Variants in PAQR3 observed in about 807,000 individuals in gnomAD.
PAQR3 encodes the protein progestin and adipoQ receptor family member 3, also known as Raf kinase trapping to Golgi.
A neutral mutation model predicts 41.7 loss-of-function variants in PAQR3; 39 were observed. The ratio of observed to expected loss-of-function variants is 0.93; its 90% CI spans 0.72 to 1.22. The LOEUF is 1.22. Among genes scored for constraint, PAQR3 ranks in the 50% most tolerant of loss-of-function variants. The pLI, the probability that PAQR3 is intolerant of heterozygous loss-of-function variation, is 0.00. For synonymous variants in PAQR3, 140 were observed against 140.6 expected, an observed-to-expected ratio of 1.00 and a Z score of 0.03; for missense variants, 366 against 385.6, an observed-to-expected ratio of 0.95 and a Z score of 0.42.
At chr4:78,934,553 C>A (rs1278754286) in intron 2 of PAQR3, among the ~76,000 whole-genome samples, 1 of 152,090 alleles carries the variant, frequency 6.6e-6, no homozygotes, top group Non-Finnish European at 1.5e-5. Flanking sequence ...CTTTTAAAGA[C>A]ATTTTTACAG....
chr4:78,908,619 C>G (rs930874456), downstream of PAQR3, among the ~76,000 whole-genome samples: 2 of 152,144 alleles, frequency 1.3e-5, no homozygotes, highest in African/African-American at 4.8e-5. Context: ...AAAAACTAAC[C>G]ATTGGTTTCA....
At chr4:78,897,652 A>AT (rs1733773305) in intron 11 of PAQR3, among the ~76,000 whole-genome samples, 5 of 152,078 alleles carry the variant, frequency 3.3e-5, no homozygotes, top group South Asian at 2.1e-4. Flanking sequence ...TTTTCATAGC[A>AT]TTTTTTATAG....
chr4:78,926,527 A>G lies in PAQR3; in HGVS notation c.696T>C (p.Ile232=). The G allele has an allele frequency of 1.9e-6, 3 of 1,611,234 alleles. No individual in the cohort carries two copies. Among genetic ancestry groups the G allele is most frequent in the South Asian group, 2.2e-5 (2 of 91,024 alleles). The change falls in exon 4 of 6, where the codon ATT becomes ATC. Residue 232 remains isoleucine (I), a synonymous_variant. Transcript: ENST00000512733. ...VWLNGGIGAP[I]VQDFAPRVIV... is the part of the protein sequence containing the mutation. ...TTAACTACACTCAACCTACCTGTAC[A>G]ATAGGAGCACCAATTCCTCCATTGA...
intron 1 of PAQR3, among the ~76,000 whole-genome samples, chr4:78,935,974 C>G (rs762736072): frequency 1.3e-5 from 2 of 152,302 alleles, no homozygotes; most frequent in South Asian, 4.1e-4. Flanking sequence ...AATATGGGTA[C>G]TACGTGCTCT....
chr4:78,929,976 AAAGT>A (rs573617274), intron 3 of PAQR3, among the ~76,000 whole-genome samples, 190 bp downstream of exon 3: 82 of 152,340 alleles, frequency 5.4e-4, no homozygotes, highest in African/African-American at 1.8e-3. Flanking sequence ...GAAAATTAGT[AAAGT>A]AAGTATGGAA....
chr4:78,933,203 C>T (rs1257249266), intron 2 of PAQR3: 1 of 456,274 alleles, frequency 2.2e-6, no homozygotes, highest in South Asian at 1.5e-5. Flanking sequence ...TTCTGTTCAG[C>T]ACTGTTTTAC....
chr4:78,921,961 T>C (rs867296050), intron 5 of PAQR3: 2 of 984,130 alleles, frequency 2.0e-6, no homozygotes, highest in Non-Finnish European at 2.4e-6. Flanking sequence ...TGATTGTTTA[T>C]ATATGTCCTA....
intron 11 of PAQR3, among the ~76,000 whole-genome samples, chr4:78,891,875 C>T (rs1733457753): frequency 6.6e-6 from 1 of 152,094 alleles, no homozygotes; most frequent in African/African-American, 2.4e-5. Context: ...TAGTTTGATA[C>T]AGATTACTGA....
chr4:78,890,164 T>C (rs971072647), intron 11 of PAQR3, among the ~76,000 whole-genome samples: 2 of 151,990 alleles, frequency 1.3e-5, no homozygotes, highest in Non-Finnish European at 2.9e-5. Flanking sequence ...TTTAACAAGA[T>C]TTGAAATGGA....
At chr4:78,920,779 C>A in intron 5 of PAQR3, 98 bp from the exon 6 acceptor site, 1 of 1,368,580 alleles carries the variant, frequency 7.3e-7, no homozygotes, top group South Asian at 1.5e-5. Flanking sequence ...GAAAAATTTT[C>A]ATAGTCTCAG....
chr4:78,904,887 A>G (rs1734208506), intron 11 of PAQR3, among the ~76,000 whole-genome samples: 1 of 151,958 alleles, frequency 6.6e-6, no homozygotes, highest in Admixed American at 6.6e-5. Context: ...AAAATAAGAT[A>G]GTTATAATTC....
chr4:78,922,368 C>G (rs1735738549), intron 5 of PAQR3: 5 of 1,288,362 alleles, frequency 3.9e-6, no homozygotes, highest in African/African-American at 1.5e-5. Flanking sequence ...TCTTCTTTCC[C>G]AACACACGTG....
chr4:78,918,816 C>T lies in PAQR3; in HGVS notation c.*1723G>A, dbSNP rs1241007279. On this transcript the variant is annotated 3_prime_UTR_variant, in exon 6 of 6. Coordinates refer to ENST00000512733, the MANE Select transcript of PAQR3 (RefSeq NM_001040202.2). Reference sequence around the variant, plus strand: ...AGTGTCTTTTGTTTGGCCAAAATGACAAAATATCTATTAAAAGGCAATAAA... The same window carrying T: ...AGTGTCTTTTGTTTGGCCAAAATGATAAAATATCTATTAAAAGGCAATAAA... 1 of 984,358 alleles carries T rather than the reference C, an allele frequency of 1.0e-6. No individual in the cohort carries two copies. The highest frequency in any genetic ancestry group is 1.1e-4 in the East Asian group (1 of 8,812). The allele number at this position is 984,358 out of a possible 1,614,324, so 61.0% of individuals were successfully genotyped here. A position where few individuals can be genotyped will look rare whatever the true frequency, so the allele number is the denominator to read the frequency against.
intron 2 of PAQR3, 156 bp from the exon 3 acceptor site, chr4:78,930,481 A>AG: frequency 1.4e-5 from 9 of 645,654 alleles, no homozygotes; most frequent in Non-Finnish European, 2.2e-5. Context: ...TGTAGAGCTC[A>AG]CTCTACATGT....
intron 1 of PAQR3, among the ~76,000 whole-genome samples, chr4:78,938,406 A>G (rs1427208611): frequency 1.3e-5 from 2 of 152,180 alleles, no homozygotes; most frequent in Non-Finnish European, 2.9e-5. Context: ...GCTCTAGTGG[A>G]GACTGGGTGC....
chr4:78,911,136 C>T (rs1734573345), downstream of PAQR3: 5 of 1,613,896 alleles, frequency 3.1e-6, no homozygotes, highest in East Asian at 8.9e-5. Flanking sequence ...CTGTCCCCTT[C>T]TTTGCAGTGC....
chr4:78,926,323 T>C (rs934855279), intron 4 of PAQR3, among the ~76,000 whole-genome samples, 198 bp downstream of exon 4: 2 of 152,084 alleles, frequency 1.3e-5, no homozygotes, highest in African/African-American at 4.8e-5. Flanking sequence ...AGAAAATCAG[T>C]ATTCAGATTT....
intron 5 of PAQR3, chr4:78,921,968 C>T (rs1338073234): frequency 1.0e-6 from 1 of 983,426 alleles, no homozygotes; most frequent in Non-Finnish European, 1.2e-6. Context: ...TTATATATGT[C>T]CTATATTAAA....
rs74789544 is a variant in PAQR3 at position 78,905,923 on chromosome 4, T to C, written c.*836+185A>G. 5.6e-3 allele frequency among the ~76,000 whole-genome samples: 849 copies of C among 152,174 alleles called. 11 individuals carry two copies. The highest frequency in any genetic ancestry group is 0.019 in the African/African-American group (804 of 41,568). ...TAAAGTGCTGTGCATTGTATAGTTA[T>C]AACCAACTTTATAACTTAAAATACT... On this transcript the variant is annotated intron_variant and NMD_transcript_variant, in intron 11 of 12. Transcript: ENST00000342820.
Sources: gnomAD v4.1 joint callset for allele counts (sites outside exome capture counted in the v4.1 genomes callset) on GRCh38, gnomAD v4.1.1 for gene constraint, MANE v1.5 for transcripts, NCBI Gene and HGNC (gene_info 2026-07-23, HGNC 2026-07-21) for gene names.